SND1: variants seen among roughly 807,000 people sequenced by gnomAD.
SND1 encodes staphylococcal nuclease domain-containing protein 1.
In SND1, 38 loss-of-function variants were observed where a neutral mutation model predicts 121.7. The ratio of observed to expected loss-of-function variants is 0.31; its 90% confidence interval spans 0.24 to 0.41. SND1 has a LOEUF of 0.41. Among genes scored for constraint, SND1 ranks in the 10% least tolerant of loss-of-function variants. The pLI, the probability that SND1 is intolerant of heterozygous loss-of-function variation, is 1.00. For synonymous variants in SND1, 401 were observed against 447.4 expected (o/e 0.90, Z 1.31); for missense variants, 868 against 1,184.6 (o/e 0.73, Z 3.92).
intron 10 of SND1, among the ~76,000 whole-genome samples, chr7:127,779,546 A>G (rs1797680102): frequency 6.6e-6 from 1 of 152,182 alleles, no homozygotes; most frequent in South Asian, 2.1e-4. Flanking sequence ...TGGCCTTTAT[A>G]TACTGTTTGC....
At chr7:127,688,005 G>T (rs1795845757) in intron 2 of SND1, among the ~76,000 whole-genome samples, 1 of 151,988 alleles carries the variant, frequency 6.6e-6, no homozygotes, top group Non-Finnish European at 1.5e-5. Context: ...TCTTAATCTG[G>T]GATCCATGCA....
intron 15 of SND1, among the ~76,000 whole-genome samples, chr7:127,973,117 CTGT>C (rs1437819200): frequency 6.6e-6 from 1 of 152,170 alleles, no homozygotes; most frequent in Non-Finnish European, 1.5e-5. Flanking sequence ...AGGAGCAGCC[CTGT>C]TTAAGGAGGC....
chr7:127,671,150 T>C lies in SND1; in HGVS notation c.79-15463T>C, dbSNP rs113419487. On this transcript the variant is annotated intron_variant, in intron 1 of 23. Coordinates refer to ENST00000354725, the MANE Select transcript of SND1 (RefSeq NM_014390.4). ...TTTCAGAACCACCAACGAGACCTAGTTCCAGTGATTTGTCTATCACTGATG... is the reference window on the plus strand; with the variant it reads ...TTTCAGAACCACCAACGAGACCTAGCTCCAGTGATTTGTCTATCACTGATG... 8.6e-3 allele frequency among the ~76,000 whole-genome samples: 1,314 copies of C among 152,288 alleles called. 22 individuals carry two copies. The highest frequency in any genetic ancestry group is 0.03 in the African/African-American group (1,235 of 41,550).
At chr7:128,067,889 A>G (rs1793343757) in intron 16 of SND1, among the ~76,000 whole-genome samples, 1 of 139,142 alleles carries the variant, frequency 7.2e-6, no homozygotes, top group African/African-American at 2.7e-5. Flanking sequence ...ATCAAGGGGA[A>G]TGTGCATCCC....
At chr7:127,956,705 A>G (rs1801600806) in intron 15 of SND1, among the ~76,000 whole-genome samples, 1 of 152,346 alleles carries the variant, frequency 6.6e-6, no homozygotes, top group South Asian at 2.1e-4. Flanking sequence ...TAGTTATCCC[A>G]GGCCTGAGTG....
chr7:127,910,172 G>C (rs191572084), intron 14 of SND1, among the ~76,000 whole-genome samples: 316 of 152,288 alleles, frequency 2.1e-3, no homozygotes, highest in Admixed American at 5.1e-3. Flanking sequence ...AGGCACGGTG[G>C]CTCACGCCTG....
chr7:127,942,967 A>G (rs1480800899), intron 15 of SND1, among the ~76,000 whole-genome samples: 4 of 152,150 alleles, frequency 2.6e-5, no homozygotes, highest in African/African-American at 9.7e-5. Context: ...TAGCATTCTG[A>G]GCCTCTTACG....
At chr7:127,773,219 C>T (rs142471982) in intron 10 of SND1, among the ~76,000 whole-genome samples, 2,603 of 152,138 alleles carry the variant, frequency 0.017, 94 homozygotes, top group African/African-American at 0.059. Flanking sequence ...TTTGGGAGGC[C>T]GAGGCGGGCG....
At chr7:128,026,674 TCCAGGTCCC>T (rs993214066) in intron 16 of SND1, among the ~76,000 whole-genome samples, 3 of 152,160 alleles carry the variant, frequency 2.0e-5, no homozygotes, top group African/African-American at 4.8e-5. Flanking sequence ...GCCTCTGAAA[TCCAGGTCCC>T]CCAGGTTCCT....
intron 12 of SND1, among the ~76,000 whole-genome samples, chr7:127,880,662 C>T (rs1799773393): frequency 6.6e-6 from 1 of 152,002 alleles, no homozygotes; most frequent in South Asian, 2.1e-4. Flanking sequence ...AGATAAAGAT[C>T]TAAGAAACAG....
At chr7:128,081,606 A>G in intron 18 of SND1, 105 bp downstream of exon 18, 1 of 1,350,334 alleles carries the variant, frequency 7.4e-7, no homozygotes, top group East Asian at 2.4e-5. Flanking sequence ...ATGCCTAGGC[A>G]GTCCAGGAGC....
chr7:127,985,956 T>A (rs34209480), intron 15 of SND1, among the ~76,000 whole-genome samples: 10,127 of 152,262 alleles, frequency 0.067, 422 homozygotes, highest in Middle Eastern at 0.19. Flanking sequence ...TTTTGTCTCC[T>A]TCAGCTAATG....
At chr7:127,845,918 A>T (rs900292860) in intron 12 of SND1, among the ~76,000 whole-genome samples, 2 of 152,224 alleles carry the variant, frequency 1.3e-5, no homozygotes, top group Admixed American at 6.5e-5. Flanking sequence ...TTTGAGACAG[A>T]TAATTTAAAA....
At chr7:128,034,646 G>C (rs1253055271) in intron 16 of SND1, among the ~76,000 whole-genome samples, 1 of 152,172 alleles carries the variant, frequency 6.6e-6, no homozygotes, top group Non-Finnish European at 1.5e-5. Flanking sequence ...CCAGTACTTA[G>C]TAATGAGGTT....
chr7:127,702,202 C>A (rs145156480), intron 5 of SND1, among the ~76,000 whole-genome samples: 2 of 152,150 alleles, frequency 1.3e-5, no homozygotes, highest in African/African-American at 4.8e-5. Flanking sequence ...CATGAGGTCC[C>A]AGACAGTTCA....
Position 127,707,626 on chromosome 7 carries a change from G to A in SND1, c.1017G>A (p.Lys339=), listed in dbSNP as rs1320796423. The change falls in exon 9 of 24, where the codon AAG becomes AAA. Residue 339 remains lysine, a synonymous_variant. Transcript: ENST00000354725. ...CTCCCACAGCTAATTTGGACCAAAA[G>A]GACAAGCAGTTTGTTGCCAAGGTGA... ...YVAPTANLDQ[K]DKQFVAKVMQ... The A allele has an allele frequency of 5.0e-6, 8 of 1,614,060 alleles. No homozygotes were observed. Among genetic ancestry groups the A allele is most frequent in the Non-Finnish European group, 6.8e-6 (8 of 1,179,940 alleles).
intron 16 of SND1, among the ~76,000 whole-genome samples, chr7:128,042,814 C>G (rs972344988): frequency 6.6e-6 from 1 of 152,238 alleles, no homozygotes; most frequent in Non-Finnish European, 1.5e-5. Context: ...CCACCACCAA[C>G]CCTGTCTTGT....
intron 12 of SND1, among the ~76,000 whole-genome samples, chr7:127,847,385 A>G (rs1222249705): frequency 6.6e-6 from 1 of 152,258 alleles, no homozygotes; most frequent in Non-Finnish European, 1.5e-5. Flanking sequence ...TATACTACTA[A>G]GAGCCTTTTA....
intron 16 of SND1, among the ~76,000 whole-genome samples, chr7:128,018,102 T>G (rs1385442534): frequency 6.6e-6 from 1 of 152,234 alleles, no homozygotes; most frequent in Non-Finnish European, 1.5e-5. Context: ...TCACTGCAGC[T>G]TTGTTCCTTC....
Sources: gnomAD v4.1 joint callset for allele counts (sites outside exome capture counted in the v4.1 genomes callset) on GRCh38, gnomAD v4.1.1 for gene constraint, MANE v1.5 for transcripts, NCBI Gene and HGNC (gene_info 2026-07-23, HGNC 2026-07-21) for gene names.